The following SYNJ1 variants were observed in gnomAD, a reference collection of about 807,000 sequenced individuals.
The protein encoded by SYNJ1 is polyphosphatidylinositol phosphatase SYNJ1.
In SYNJ1, 78 loss-of-function variants were observed where a neutral mutation model predicts 168.2. That is an observed-to-expected ratio of 0.46 (90% CI 0.39 to 0.56). The LOEUF is 0.56. SYNJ1 is among the 20% of genes least tolerant of loss of function. The pLI, the probability that SYNJ1 is intolerant of heterozygous loss-of-function variation, is 0.00. For synonymous variants in SYNJ1, 539 were observed against 548.6 expected (o/e 0.98, Z 0.24); for missense variants, 1,303 against 1,597.6 (o/e 0.82, Z 3.14).
At chr21:32,649,816 C>T (rs2040208699) in intron 23 of SYNJ1, among the ~76,000 whole-genome samples, 1 of 152,216 alleles carries the variant, frequency 6.6e-6, no homozygotes, top group Admixed American at 6.5e-5. Flanking sequence ...GTGGCACAAT[C>T]TCGGCTCACT....
chr21:32,685,994 A>G, intron 8 of SYNJ1, 77 bp from the exon 9 acceptor site: 1 of 1,443,094 alleles, frequency 6.9e-7, no homozygotes, highest in Non-Finnish European at 9.3e-7. Flanking sequence ...ATCACATTTC[A>G]TTGACACTGG....
In SYNJ1 at chr21:32,658,795, A is replaced by G. The variant is rs113725037; in HGVS notation, c.2305-923T>C. On this transcript the variant is annotated intron_variant, in intron 18 of 32. Coordinates refer to ENST00000674351, the MANE Select transcript of SYNJ1 (RefSeq NM_203446.3). ...GTGGAGTGCAGTGGGTCAAGTGAGC[A>G]GAGTTCGCCCCGCCAGTGCCCATGC... Among the ~76,000 whole-genome samples, 12 of 152,350 alleles carry G rather than the reference A, an allele frequency of 7.9e-5. 1 individual carries two copies. The highest frequency in any genetic ancestry group is 2.6e-4 in the African/African-American group (11 of 41,584).
chr21:32,645,078 G>T, intron 25 of SYNJ1, 72 bp from the exon 26 acceptor site: 1 of 1,453,336 alleles, frequency 6.9e-7, no homozygotes, highest in South Asian at 1.3e-5. Flanking sequence ...GTCAAAGATT[G>T]CTATAGTATC....
chr21:32,653,339 T>C lies in SYNJ1; in HGVS notation c.2823A>G (p.Thr941=). The C allele has an allele frequency of 6.2e-7, 1 of 1,613,668 alleles. No homozygotes were observed. Among genetic ancestry groups the C allele is most frequent in the Non-Finnish European group, 8.5e-7 (1 of 1,179,690 alleles). The change falls in exon 22 of 33, where the codon ACA becomes ACG. Residue 941 remains threonine (T), a synonymous_variant. Coordinates refer to ENST00000674351, the MANE Select transcript of SYNJ1 (RefSeq NM_203446.3). ...IRFVEDKMWV[T]FLEGSSALNV... is the part of the protein sequence containing the mutation. ...TCAAGGCAGAGCTTCCCTCCAAAAA[T>C]GTAACCCACATTTTATCTTCTACAA...
Position 32,656,801 on chromosome 21 carries a change from C to T in SYNJ1, c.2681G>A (p.Gly894Asp). ...ACTTTTGATTGAGACCAATACTGTA[C>T]CATCTGGTGGACCCTGAACTGCAAT... ...EVIAVQGPPD[G>D]TVLVSIKSSL... The change falls in exon 21 of 33, where the codon GGT becomes GAT. Residue 894 changes from glycine to aspartate, a missense_variant. Physicochemically the swap from Gly to Asp is moderately conservative, Grantham distance 94. This residue lies in a region of SYNJ1 where 920 missense variants were observed against 1,208.8 expected (regional missense o/e 0.76). Coordinates refer to ENST00000674351, the MANE Select transcript of SYNJ1 (RefSeq NM_203446.3). The T allele has an allele frequency of 6.2e-7, 1 of 1,614,114 alleles. No homozygotes were observed. Among genetic ancestry groups the T allele is most frequent in the Non-Finnish European group, 8.5e-7 (1 of 1,180,022 alleles).
chr21:32,638,674 G>A (rs1315730028), intron 31 of SYNJ1, among the ~76,000 whole-genome samples: 5 of 152,106 alleles, frequency 3.3e-5, no homozygotes, highest in Non-Finnish European at 2.9e-5. Context: ...TCCAGCCTGG[G>A]AGACAGAGCA....
chr21:32,692,255 C>T (rs2042052059), intron 6 of SYNJ1, among the ~76,000 whole-genome samples: 1 of 152,082 alleles, frequency 6.6e-6, no homozygotes. Flanking sequence ...AAGTTCTTGA[C>T]TTTGAGTGGT....
Position 32,694,317 on chromosome 21 carries a change from GAA to G in SYNJ1, c.706-8_706-7del. 1 of 1,494,790 alleles carries G rather than the reference GAA, an allele frequency of 6.7e-7. No homozygotes were observed. The highest frequency in any genetic ancestry group is 2.4e-5 in the Admixed American group (1 of 41,832). 92.6% of individuals were successfully genotyped at this position (1,494,790 alleles called of 1,614,324 possible). ...GAGTCATCTAAGTACACAACCTACA[GAA>G]AAAAAAATAATATGTAAACTATTTC... On this transcript the variant is annotated splice_region_variant and splice_polypyrimidine_tract_variant and intron_variant, in intron 5 of 32. Transcript: ENST00000674351.
intron 16 of SYNJ1, 132 bp downstream of exon 16, chr21:32,666,301 C>T: frequency 2.7e-6 from 4 of 1,470,286 alleles, no homozygotes; most frequent in Non-Finnish European, 3.6e-6. Flanking sequence ...AATCAAAACC[C>T]CCAAAACCCC....
Position 32,630,419 on chromosome 21 carries a change from AC to A in SYNJ1, c.*1385del, listed in dbSNP as rs965653571. ...ATATTGAAAAAGGGACTTTGTTGGA[AC>A]TTTTAGGTATAATTTGGTCTGAGTT... On this transcript the variant is annotated 3_prime_UTR_variant, in exon 33 of 33. Coordinates refer to ENST00000674351, the MANE Select transcript of SYNJ1 (RefSeq NM_203446.3). The A allele has an allele frequency of 1.3e-5, 2 of 152,476 alleles. No individual in the cohort carries two copies. The highest frequency in any genetic ancestry group is 2.9e-5 in the Non-Finnish European group (2 of 68,042). The allele number at this position is 152,476 out of a possible 1,614,324, so 9.4% of individuals were successfully genotyped here.
chr21:32,696,889 C>T (rs1006214824), intron 4 of SYNJ1, among the ~76,000 whole-genome samples: 1 of 152,066 alleles, frequency 6.6e-6, no homozygotes. Flanking sequence ...AATCTGATGA[C>T]CATTACTTAT....
At chr21:32,708,129 C>T (rs1632203) in intron 2 of SYNJ1, among the ~76,000 whole-genome samples, 152,106 of 152,332 alleles carry the variant, frequency 1, 75,941 homozygotes, top group Middle Eastern at 1. Context: ...AATGTGTATG[C>T]CTGTGGCAGG....
At chr21:32,717,361 T>A (rs2043062265) in intron 2 of SYNJ1, among the ~76,000 whole-genome samples, 1 of 152,242 alleles carries the variant, frequency 6.6e-6, no homozygotes, top group Non-Finnish European at 1.5e-5. Flanking sequence ...TCCTTGTCTA[T>A]TACAGCATCT....
At chr21:32,676,088 G>C (rs1010694065) in intron 13 of SYNJ1, among the ~76,000 whole-genome samples, 2 of 152,088 alleles carry the variant, frequency 1.3e-5, no homozygotes, top group African/African-American at 4.8e-5. Context: ...ATCTTTAACT[G>C]GAATTAAGCA....
intron 15 of SYNJ1, among the ~76,000 whole-genome samples, chr21:32,669,046 T>C (rs1231963689): frequency 6.6e-6 from 1 of 152,204 alleles, no homozygotes; most frequent in Non-Finnish European, 1.5e-5. Flanking sequence ...ACAGACATTA[T>C]TGATTTTATT....
At chr21:32,644,409 T>C (rs886632328) in intron 26 of SYNJ1, among the ~76,000 whole-genome samples, 1 of 152,214 alleles carries the variant, frequency 6.6e-6, no homozygotes, top group African/African-American at 2.4e-5. Flanking sequence ...TGAGCCTTAG[T>C]AACACTGGAT....
At chr21:32,698,661 G>A in intron 4 of SYNJ1, among the ~76,000 whole-genome samples, 1 of 152,148 alleles carries the variant, frequency 6.6e-6, no homozygotes, top group East Asian at 1.9e-4. Flanking sequence ...CATGTGTTCT[G>A]CTCACCATTT....
chr21:32,686,466 G>A (rs1259529740), intron 8 of SYNJ1, among the ~76,000 whole-genome samples: 1 of 152,072 alleles, frequency 6.6e-6, no homozygotes, highest in East Asian at 1.9e-4. Flanking sequence ...TTCAATAAGT[G>A]TTCATTAAAA....
chr21:32,722,208 ATATAT>A (rs1569139122), intron 2 of SYNJ1, among the ~76,000 whole-genome samples: 214 of 55,326 alleles, frequency 3.9e-3, no homozygotes, highest in African/African-American at 0.019. Flanking sequence ...AAAAAAAAAT[ATATAT>A]ATATATATAT....
Sources: allele counts gnomAD v4.1 joint callset (sites outside exome capture counted in the v4.1 genomes callset), GRCh38; gene constraint gnomAD v4.1.1; regional missense constraint gnomAD v4.1.1; transcripts MANE v1.5; gene names NCBI Gene and HGNC (gene_info 2026-07-23, HGNC 2026-07-21).